The following FUT8 variants were observed in gnomAD, a reference collection of about 807,000 sequenced individuals.
FUT8 encodes alpha-(1,6)-fucosyltransferase.
FUT8 carries 29 observed loss-of-function variants against 71.3 expected under a neutral mutation model. The observed-to-expected ratio is 0.41, with a 90% CI of 0.30 to 0.55. FUT8 has a LOEUF of 0.55. Among genes scored for constraint, FUT8 ranks in the 20% least tolerant of loss-of-function variants. The probability of loss-of-function intolerance (pLI) is 0.34; values close to 1 mark genes in which losing one functional copy is unlikely to be tolerated. For missense variants in FUT8, 544 were observed against 702.1 expected, an observed-to-expected ratio of 0.77 and a Z score of 2.55; for synonymous variants, 254 against 239.3, an observed-to-expected ratio of 1.06 and a Z score of -0.57.
intron 3 of FUT8, among the ~76,000 whole-genome samples, chr14:65,605,637 T>G (rs1888542824): frequency 6.6e-6 from 1 of 152,024 alleles, no homozygotes. Flanking sequence ...CATGGACTTC[T>G]AGCCTCCAGA....
At chr14:65,503,934 A>G (rs1395831388) in intron 2 of FUT8, among the ~76,000 whole-genome samples, 1 of 152,232 alleles carries the variant, frequency 6.6e-6, no homozygotes, top group Admixed American at 6.5e-5. Flanking sequence ...ACAAATGTTC[A>G]TATTTGAATA....
At chr14:65,369,995 C>T in the FUT8 span, among the ~76,000 whole-genome samples, 1,094 of 151,962 alleles carry the variant, frequency 7.2e-3, 13 homozygotes, top group East Asian at 0.034. The surrounding 1 kb of genome is among the most constrained non-coding windows in gnomAD (Gnocchi z 4.6). Flanking sequence ...GACCCCTTTC[C>T]GGTAACAAAG....
Position 65,652,812 on chromosome 14 carries a change from T to C in FUT8, c.598-16431T>C, listed in dbSNP as rs1891473499. 6.6e-6 allele frequency among the ~76,000 whole-genome samples: 1 copy of C among 152,210 alleles called. No homozygotes were observed. Among genetic ancestry groups the C allele is most frequent in the South Asian group, 2.1e-4 (1 of 4,836 alleles). On this transcript the variant is annotated intron_variant, in intron 6 of 10. Coordinates refer to ENST00000673929, the MANE Select transcript of FUT8 (RefSeq NM_001371533.1). The surrounding 1 kb of genome is among the most constrained non-coding windows in gnomAD (Gnocchi z 4.0). ...AGCTGTCCCTGTTAACAGGACCTCA[T>C]GTGGAATACTTGAAGGCTGGGCTGG... is the stretch of plus-strand genomic sequence containing the variant.
At chr14:65,595,526 C>T (rs887336441) in intron 3 of FUT8, among the ~76,000 whole-genome samples, 7 of 150,672 alleles carry the variant, frequency 4.6e-5, no homozygotes, top group Non-Finnish European at 7.4e-5. Flanking sequence ...AAGTTCACTT[C>T]GAATTAAGTA....
In FUT8 at chr14:65,627,976, AG is replaced by A. The variant is rs1191344831; in HGVS notation, c.483-1514del. Among the ~76,000 whole-genome samples, 3 of 152,136 alleles carry A rather than the reference AG, an allele frequency of 2.0e-5. No homozygotes were observed. The highest frequency in any genetic ancestry group is 7.2e-5 in the African/African-American group (3 of 41,438). On this transcript the variant is annotated intron_variant, in intron 5 of 10. Transcript: ENST00000673929. This position sits in a 1 kb window ranked among gnomAD's most constrained non-coding sequence, Gnocchi z 4.0. ...AGTCTGCCTAGCTACCTACTCAAAC[AG>A]GAGGAGAGGGAAAACCAAGGGTTGA...
chr14:65,447,833 C>T (rs927858752), intron 1 of FUT8, among the ~76,000 whole-genome samples: 2 of 152,092 alleles, frequency 1.3e-5, no homozygotes, highest in African/African-American at 4.8e-5. Context: ...TCTGAGATCA[C>T]ATAGTAAATT....
chr14:65,536,182 AT>A (rs1470229274), intron 2 of FUT8, among the ~76,000 whole-genome samples: 1 of 152,054 alleles, frequency 6.6e-6, no homozygotes, highest in Non-Finnish European at 1.5e-5. Flanking sequence ...ACAGCATACC[AT>A]TGAGTTGTGC....
rs78929612 is a variant in FUT8, at chr14:65,452,466, A to T, written c.-325-3155A>T. Among the ~76,000 whole-genome samples, 985 of 152,280 alleles carry T rather than the reference A, an allele frequency of 6.5e-3. 17 individuals carry two copies. The highest frequency in any genetic ancestry group is 0.022 in the African/African-American group (913 of 41,568). Reference sequence around the variant, plus strand: ...TCACACCTAGAGAGGGTTTGTAGGGATGGAACAAAGCAGTGGAACCCAGGA... The same window carrying T: ...TCACACCTAGAGAGGGTTTGTAGGGTTGGAACAAAGCAGTGGAACCCAGGA... On this transcript the variant is annotated intron_variant, in intron 1 of 10. Coordinates refer to ENST00000673929, the MANE Select transcript of FUT8 (RefSeq NM_001371533.1).
chr14:65,588,820 T>G (rs575995676), intron 3 of FUT8, among the ~76,000 whole-genome samples: 1 of 152,344 alleles, frequency 6.6e-6, no homozygotes, highest in South Asian at 2.1e-4. Context: ...ATCTCTTAGC[T>G]GTGCCTAATT....
chr14:65,608,985 C>T (rs186922430), intron 3 of FUT8, among the ~76,000 whole-genome samples: 6 of 151,626 alleles, frequency 4.0e-5, no homozygotes, highest in African/African-American at 1.4e-4. Flanking sequence ...AGTCCTTTAA[C>T]AGATGTAGGA....
Position 65,629,601 on chromosome 14 carries a change from C to T in FUT8, c.592C>T (p.Leu198Phe), listed in dbSNP as rs767858350. Residue 198 changes from leucine to phenylalanine, a missense_variant, in exon 6 of 11, where the codon CTT becomes TTT. By Grantham distance (22) the Leu-to-Phe change is conservative. Transcript: ENST00000673929. The stretch of plus-strand genomic sequence containing the variant: ...ACTGGTTCAGCGGAGAATAACATAT[C>T]TTCAGGTAAGAAGGTTGGGTTAAGA... ...TELVQRRITY[L>F]QNPKDCSKAK... 6.2e-7 allele frequency: 1 copy of T among 1,606,150 alleles called. No homozygotes were observed. The highest frequency in any genetic ancestry group is 1.7e-5 in the Admixed American group (1 of 59,954).
intron 2 of FUT8, among the ~76,000 whole-genome samples, chr14:65,517,978 C>T (rs1052029190): frequency 2.6e-5 from 4 of 151,984 alleles, no homozygotes; most frequent in Admixed American, 2.6e-4. Context: ...TTTTTAAAGG[C>T]TAAAACTTTG....
intron 1 of FUT8, among the ~76,000 whole-genome samples, chr14:65,440,529 A>T (rs2065638149): frequency 6.6e-6 from 1 of 152,102 alleles, no homozygotes; most frequent in African/African-American, 2.4e-5. Context: ...AAAAGCTTGG[A>T]TATATGAGAT....
chr14:65,424,539 C>CTTTTTTTTTTTTTTTT (rs796843891), intron 1 of FUT8, among the ~76,000 whole-genome samples: 7 of 125,446 alleles, frequency 5.6e-5, no homozygotes, highest in African/African-American at 1.5e-4. Flanking sequence ...CTTTTCTTTT[C>CTTTTTTTTTTTTTTTT]TTTTTTTTTT....
chr14:65,539,847 A>T (rs984186207), intron 2 of FUT8, among the ~76,000 whole-genome samples: 1 of 152,234 alleles, frequency 6.6e-6, no homozygotes, highest in African/African-American at 2.4e-5. Context: ...TTTGTGGCAG[A>T]AAAAGACCAC....
At chr14:65,422,309 A>G (rs552008801) in intron 1 of FUT8, among the ~76,000 whole-genome samples, 2 of 152,244 alleles carry the variant, frequency 1.3e-5, no homozygotes, top group South Asian at 2.1e-4. Context: ...AGCATTATAG[A>G]TAAGGGCAGT....
At chr14:65,735,623 A>G (rs1334082705) in intron 10 of FUT8, among the ~76,000 whole-genome samples, 1 of 152,172 alleles carries the variant, frequency 6.6e-6, no homozygotes, top group Non-Finnish European at 1.5e-5. Context: ...TTATGTTAGG[A>G]TTCACAATAA....
chr14:65,594,951 G>T (rs1205602686), intron 3 of FUT8, among the ~76,000 whole-genome samples: 1 of 152,106 alleles, frequency 6.6e-6, no homozygotes, highest in Non-Finnish European at 1.5e-5. Context: ...ATATTATTGA[G>T]AAACAACCAA....
chr14:65,586,391 G>A (rs1887384753), intron 3 of FUT8, among the ~76,000 whole-genome samples: 1 of 152,106 alleles, frequency 6.6e-6, no homozygotes, highest in Admixed American at 6.5e-5. Context: ...TCAATAGGCA[G>A]GCATTCCCAA....
Sources: gnomAD v4.1 joint callset for allele counts (sites outside exome capture counted in the v4.1 genomes callset) on GRCh38, gnomAD v4.1.1 for gene constraint, Gnocchi (gnomAD v3.1) non-coding constraint, MANE v1.5 for transcripts, NCBI Gene and HGNC (gene_info 2026-07-23, HGNC 2026-07-21) for gene names.